SETBP1: variants seen among roughly 807,000 people sequenced by gnomAD.
SETBP1 encodes SET binding protein 1.
A neutral mutation model predicts 101.0 loss-of-function variants in SETBP1; 9 were observed. The ratio of observed to expected loss-of-function variants is 0.09; its 90% CI spans 0.05 to 0.16. The LOEUF (loss-of-function observed/expected upper bound fraction) is 0.16. Among genes scored for constraint, SETBP1 ranks in the 10% least tolerant of loss-of-function variants. The pLI is 1.00. For synonymous variants in SETBP1, 818 were observed against 788.5 expected, an observed-to-expected ratio of 1.04 and a Z score of -0.63; for missense variants, 1,858 against 2,033.8, an observed-to-expected ratio of 0.91 and a Z score of 1.66.
chr18:45,017,018 C>G (rs953119833), intron 4 of SETBP1, among the ~76,000 whole-genome samples: 2 of 152,168 alleles, frequency 1.3e-5, no homozygotes, highest in Non-Finnish European at 2.9e-5. Context: ...CCATCATCAG[C>G]CTTTTTGTCT....
At chr18:45,012,057 C>T (rs562634925) in intron 4 of SETBP1, among the ~76,000 whole-genome samples, 15 of 152,096 alleles carry the variant, frequency 9.9e-5, no homozygotes, top group African/African-American at 3.4e-4. Context: ...CAGGCTTGAC[C>T]CAGGGGAGTT....
chr18:44,769,829 T>C (rs2070835395), intron 2 of SETBP1, among the ~76,000 whole-genome samples: 1 of 152,220 alleles, frequency 6.6e-6, no homozygotes, highest in South Asian at 2.1e-4. Flanking sequence ...CATATGCTGC[T>C]GTGCTGAGGG....
intron 3 of SETBP1, among the ~76,000 whole-genome samples, chr18:44,939,336 G>C (rs1380579973): frequency 4.6e-5 from 7 of 151,996 alleles, no homozygotes; most frequent in Non-Finnish European, 7.4e-5. Flanking sequence ...TATATAAACA[G>C]AATGGTACAG....
intron 2 of SETBP1, among the ~76,000 whole-genome samples, chr18:44,779,561 G>T (rs1431700619): frequency 3.3e-5 from 5 of 152,168 alleles, no homozygotes; most frequent in Admixed American, 3.3e-4. Context: ...GGGACAAACA[G>T]TTGGCAGGAG....
At chr18:44,790,977 T>A (rs1568146654) in intron 2 of SETBP1, among the ~76,000 whole-genome samples, 3 of 152,232 alleles carry the variant, frequency 2.0e-5, no homozygotes, top group Non-Finnish European at 4.4e-5. Context: ...GCTAATTGAA[T>A]ACCTGCTGTT....
At position 44,970,320 on chromosome 18, in the gene SETBP1, T is replaced by C. The variant is rs376869066; in HGVS notation, c.4000+16980T>C. Among the ~76,000 whole-genome samples, 12 of 152,310 alleles carry C rather than the reference T, an allele frequency of 7.9e-5. 1 individual carries two copies. Among genetic ancestry groups the C allele is most frequent in the African/African-American group, 2.9e-4 (12 of 41,566 alleles). On this transcript the variant is annotated intron_variant, in intron 4 of 5. Transcript: ENST00000649279. Reference sequence around the variant, plus strand: ...GTTTGCAAATCCAAAATAGAGATAATAGTAGTTAGTAACTCACGGGGTGTG... The same window carrying C: ...GTTTGCAAATCCAAAATAGAGATAACAGTAGTTAGTAACTCACGGGGTGTG...
intron 2 of SETBP1, among the ~76,000 whole-genome samples, chr18:44,843,153 G>T (rs1483388300): frequency 6.6e-6 from 1 of 152,188 alleles, no homozygotes; most frequent in East Asian, 1.9e-4. Context: ...TGGGAAGGAG[G>T]ATGATGAGCA....
chr18:44,916,769 G>A (rs1196696896), intron 3 of SETBP1, among the ~76,000 whole-genome samples: 1 of 152,226 alleles, frequency 6.6e-6, no homozygotes, highest in Non-Finnish European at 1.5e-5. Flanking sequence ...GTCAACCTCA[G>A]ACAAGTCATC....
chr18:44,761,418 C>T (rs1430850477), intron 2 of SETBP1, among the ~76,000 whole-genome samples: 1 of 152,158 alleles, frequency 6.6e-6, no homozygotes, highest in Non-Finnish European at 1.5e-5. Flanking sequence ...TTACTGGTCC[C>T]CTCTCCCACA....
chr18:44,932,692 G>C (rs1385141518), intron 3 of SETBP1, among the ~76,000 whole-genome samples: 2 of 151,326 alleles, frequency 1.3e-5, no homozygotes, highest in African/African-American at 4.9e-5. Context: ...TCATTTATTT[G>C]ATCTTCCATC....
intron 3 of SETBP1, among the ~76,000 whole-genome samples, chr18:44,906,196 G>A (rs1448863543): frequency 6.6e-6 from 1 of 152,164 alleles, no homozygotes; most frequent in African/African-American, 2.4e-5. Flanking sequence ...TCCAGAACTG[G>A]TCTGATTCTT....
At chr18:44,935,054 A>G (rs2070928241) in intron 3 of SETBP1, among the ~76,000 whole-genome samples, 1 of 151,884 alleles carries the variant, frequency 6.6e-6, no homozygotes, top group Non-Finnish European at 1.5e-5. Context: ...GCAGCACTAC[A>G]GGGAGGAGCG....
intron 2 of SETBP1, among the ~76,000 whole-genome samples, chr18:44,740,623 T>G (rs1323440898): frequency 3.3e-4 from 50 of 152,326 alleles, no homozygotes; most frequent in Non-Finnish European, 2.9e-5. Context: ...TTTCCATACA[T>G]TTCTCGTGGA....
intron 3 of SETBP1, among the ~76,000 whole-genome samples, chr18:44,925,789 A>G (rs2070692699): frequency 1.3e-5 from 2 of 152,226 alleles, no homozygotes; most frequent in Admixed American, 1.3e-4. Context: ...TTGGTTTCCA[A>G]AATGTTTTCA....
chr18:44,756,368 T>C (rs1206134931), intron 2 of SETBP1, among the ~76,000 whole-genome samples: 3 of 152,226 alleles, frequency 2.0e-5, no homozygotes, highest in Non-Finnish European at 4.4e-5. Flanking sequence ...CATGGAACAC[T>C]TTCAAGTAGG....
intron 2 of SETBP1, among the ~76,000 whole-genome samples, chr18:44,815,181 G>A (rs1172661347): frequency 1.3e-5 from 2 of 152,216 alleles, no homozygotes; most frequent in Non-Finnish European, 2.9e-5. Context: ...TGCATGTTGA[G>A]CACTAAGGAG....
chr18:44,817,055 C>T (rs2071994137), intron 2 of SETBP1, among the ~76,000 whole-genome samples: 1 of 152,174 alleles, frequency 6.6e-6, no homozygotes, highest in Non-Finnish European at 1.5e-5. Context: ...TGCATACCCT[C>T]AATCGACAGG....
Position 45,051,138 on chromosome 18 carries a change from C to T in SETBP1, c.4172-11941C>T, listed in dbSNP as rs1204415796. Among the ~76,000 whole-genome samples the T allele has an allele frequency of 2.6e-5, 4 of 152,140 alleles. No homozygotes were observed. The East Asian group carries it at 7.7e-4, about 29-fold the overall frequency. On this transcript the variant is annotated intron_variant, in intron 5 of 5. Transcript: ENST00000649279. ...TTATGACTCACTCTCCTACTCCACG[C>T]ATTGTAACTTGGATTTGTTTACACT...
chr18:44,952,654 G>A lies in SETBP1; in HGVS notation c.3314G>A (p.Gly1105Asp). ...ACAAACTCCCACGTAAAGATGTCCG[G>A]TGCAGCTAAGCATAAAGCCAAGCAT... is the stretch of plus-strand genomic sequence containing the variant. ...FHTNSHVKMS[G>D]AAKHKAKHGV... The change falls in exon 4 of 6, where the codon GGT becomes GAT. Residue 1105 changes from glycine (G) to aspartate (D), a missense_variant. Gly to Asp is a moderately conservative substitution (Grantham distance 94). This residue lies in a region of SETBP1 where 255 missense variants were observed against 300.1 expected (regional missense o/e 0.85). Transcript: ENST00000649279. 1 of 1,614,098 alleles carries A rather than the reference G, an allele frequency of 6.2e-7. No homozygotes were observed. Among genetic ancestry groups the A allele is most frequent in the Non-Finnish European group, 8.5e-7 (1 of 1,179,974 alleles).
Sources: gnomAD v4.1 joint callset for allele counts (sites outside exome capture counted in the v4.1 genomes callset) on GRCh38, gnomAD v4.1.1 for gene constraint, gnomAD v4.1.1 regional missense constraint, MANE v1.5 for transcripts, NCBI Gene and HGNC (gene_info 2026-07-23, HGNC 2026-07-21) for gene names.